URB1: variants seen among roughly 807,000 people sequenced by gnomAD.
URB1 encodes the protein URB1 ribosome biogenesis factor, also known as nucleolar pre-ribosomal-associated protein 1.
In URB1, 197 loss-of-function variants were observed where a neutral mutation model predicts 242.3. The ratio of observed to expected loss-of-function variants is 0.81; its 90% CI spans 0.72 to 0.91. The LOEUF (loss-of-function observed/expected upper bound fraction) is 0.91, where lower values mean the gene tolerates loss of function less well. URB1 is among the 40% of genes least tolerant of loss of function. The pLI is 0.00. For missense variants in URB1, 2,721 were observed against 2,860.5 expected (o/e 0.95, Z 1.11); for synonymous variants, 1,153 against 1,201.8 (o/e 0.96, Z 0.84).
chr21:32,378,514 C>T lies in URB1; in HGVS notation c.595G>A (p.Val199Ile), dbSNP rs529540678. Residue 199 changes from valine to isoleucine, a missense_variant, in exon 5 of 39, where the codon GTT (valine) becomes ATT (isoleucine). Transcript: ENST00000382751. ...ATTAAAAAGGAGAGAGCAAACTGAA[C>T]GTAGGCCTGCCGAACGTCGTACACT... ...KGVYDVRQAY[V>I]QFALSFLIAG... 9 of 1,551,562 alleles carry T rather than the reference C, an allele frequency of 5.8e-6. No individual in the cohort carries two copies. Among genetic ancestry groups the T allele is most frequent in the African/African-American group, 2.7e-5 (2 of 73,024 alleles).
rs974012154 is a variant in URB1, at chr21:32,357,430, AC to A, written c.1989+106del. On this transcript the variant is annotated intron_variant, in intron 15 of 38. Coordinates refer to ENST00000382751, the MANE Select transcript of URB1 (RefSeq NM_014825.3). ...AAAACCTTCTATTTTAAAACTAAAA[AC>A]AATTCCAATACCTCCTGAATTCAAT... 1.3e-4 allele frequency: 153 copies of A among 1,218,030 alleles called. No homozygotes were observed. The African/African-American group carries it at 2.1e-3, about 16-fold the overall frequency. 75.5% of individuals were successfully genotyped at this position (1,218,030 alleles called of 1,614,324 possible). A position where few individuals can be genotyped will look rare whatever the true frequency, so the allele number is the denominator to read the frequency against.
intron 28 of URB1, among the ~76,000 whole-genome samples, chr21:32,336,692 C>T (rs1165132912): frequency 6.6e-6 from 1 of 150,528 alleles, no homozygotes; most frequent in Non-Finnish European, 1.5e-5. Flanking sequence ...CACATACAGA[C>T]AAAAAAAAAG....
intron 1 of URB1, among the ~76,000 whole-genome samples, chr21:32,388,679 T>C (rs1445980014): frequency 3.3e-5 from 5 of 152,232 alleles, no homozygotes; most frequent in Non-Finnish European, 7.3e-5. Context: ...ATACCTACTC[T>C]GTCCCTCAAG....
intron 35 of URB1, among the ~76,000 whole-genome samples, chr21:32,319,626 G>A (rs2032740866): frequency 6.6e-6 from 1 of 152,172 alleles, no homozygotes; most frequent in East Asian, 1.9e-4. Flanking sequence ...AAAAATTCAG[G>A]AGCCGCTGGG....
chr21:32,311,867 C>T lies in URB1; in HGVS notation c.*3051G>A, dbSNP rs17855143. The T allele has an allele frequency of 6.2e-7, 1 of 1,614,154 alleles. No individual in the cohort carries two copies. The highest frequency in any genetic ancestry group is 1.7e-5 in the Admixed American group (1 of 60,032). On this transcript the variant is annotated 3_prime_UTR_variant, in exon 39 of 39. Coordinates refer to ENST00000382751, the MANE Select transcript of URB1 (RefSeq NM_014825.3). ...CGCTACGACAGGAGAGCTCCTCCAC[C>T]TTGCCCCTCGGGGGTTTCCAGACCC...
chr21:32,311,031 A>G lies in URB1; in HGVS notation c.*3887T>C, dbSNP rs2032551439. Reference sequence around the variant, plus strand: ...TCCGAGGCTGGATAATTTATAAAGGAAAGAGGTTTAATGGACTCACAGTTT... The same window carrying G: ...TCCGAGGCTGGATAATTTATAAAGGGAAGAGGTTTAATGGACTCACAGTTT... On this transcript the variant is annotated 3_prime_UTR_variant, in exon 39 of 39. Transcript: ENST00000382751. 6.6e-6 allele frequency: 1 copy of G among 152,308 alleles called. No homozygotes were observed. Among genetic ancestry groups the G allele is most frequent in the African/African-American group, 2.4e-5 (1 of 41,430 alleles). The allele number at this position is 152,308 out of a possible 1,614,324, so 9.4% of individuals were successfully genotyped here.
chr21:32,349,485 T>A lies in URB1; in HGVS notation c.2833-2A>T. On this transcript the variant is annotated splice_acceptor_variant, in intron 20 of 38. Transcript: ENST00000382751. LOFTEE classifies it high-confidence loss of function. ...GGGCGGGCCCACACTTCTGCCCAGC[T>A]GTGAGGACAAGAGCACGAGCCTCAG... 1 of 1,544,100 alleles carries A rather than the reference T, an allele frequency of 6.5e-7. No individual in the cohort carries two copies. The highest frequency in any genetic ancestry group is 1.4e-5 in the African/African-American group (1 of 72,812).
In URB1 at chr21:32,355,477, T is replaced by C. The variant is rs202037306; in HGVS notation, c.2078A>G (p.Lys693Arg). Residue 693 changes from lysine (K) to arginine (R), a missense_variant, in exon 16 of 39, where the codon AAA becomes AGA. Coordinates refer to ENST00000382751, the MANE Select transcript of URB1 (RefSeq NM_014825.3). ...EHLENTMEED[K>R]ETVIQFLERI... ...TTCCAGAAACTGAATCACAGTCTCT[T>C]TGTCCTCTTCCATGGTGTTCTCTAA... 1 of 1,551,898 alleles carries C rather than the reference T, an allele frequency of 6.4e-7. No homozygotes were observed. The highest frequency in any genetic ancestry group is 8.7e-7 in the Non-Finnish European group (1 of 1,147,034).
chr21:32,330,078 G>C (rs1174365135), intron 30 of URB1, among the ~76,000 whole-genome samples: 1 of 152,012 alleles, frequency 6.6e-6, no homozygotes, highest in Non-Finnish European at 1.5e-5. Flanking sequence ...CTCTTCCAAT[G>C]AATGAGTGTG....
At chr21:32,358,406 C>T (rs1245614434) in intron 14 of URB1, among the ~76,000 whole-genome samples, 1 of 152,186 alleles carries the variant, frequency 6.6e-6, no homozygotes, top group Non-Finnish European at 1.5e-5. Flanking sequence ...ACTTTCATCA[C>T]GATGCCAGTG....
intron 5 of URB1, among the ~76,000 whole-genome samples, chr21:32,377,652 C>T (rs1469833208): frequency 7.9e-5 from 12 of 152,138 alleles, no homozygotes; most frequent in Non-Finnish European, 1.5e-5. Flanking sequence ...ACAGGGTGAC[C>T]GCCACCTGCA....
In URB1 at chr21:32,321,867, G is replaced by A. The variant is rs2032770973; in HGVS notation, c.5418C>T (p.Ala1806=). ...GGATGATGTGGAAGATGCCACGCCG[G>A]GCACACAGTTCGTAGCACTGCTTGT... The part of the protein sequence containing the change: ...IRDKQCYELC[A]RRGIFHIILS... The change falls in exon 34 of 39, where the codon GCC becomes GCT. Residue 1806 remains alanine (A), a synonymous_variant. Coordinates refer to ENST00000382751, the MANE Select transcript of URB1 (RefSeq NM_014825.3). 4 of 1,551,716 alleles carry A rather than the reference G, an allele frequency of 2.6e-6. No individual in the cohort carries two copies. The highest frequency in any genetic ancestry group is 3.5e-6 in the Non-Finnish European group (4 of 1,147,004).
intron 20 of URB1, among the ~76,000 whole-genome samples, chr21:32,350,326 T>C (rs1210141458): frequency 6.6e-6 from 1 of 152,082 alleles, no homozygotes; most frequent in Non-Finnish European, 1.5e-5. Context: ...CCCAGCTACT[T>C]GAAAGGCTGA....
At position 32,322,466 on chromosome 21, in the gene URB1, C is replaced by T. The variant is rs1026995860; in HGVS notation, c.5340+12G>A. The stretch of plus-strand genomic sequence containing the variant: ...GGGCCTGCAGAAAGCCGTGAGGACT[C>T]TGGAAGCATACCTCAAAGTCGGAGC... On this transcript the variant is annotated intron_variant, in intron 33 of 38. Coordinates refer to ENST00000382751, the MANE Select transcript of URB1 (RefSeq NM_014825.3). 3 of 1,550,656 alleles carry T rather than the reference C, an allele frequency of 1.9e-6. No homozygotes were observed. The African/African-American group carries it at 4.1e-5, about 21-fold the overall frequency.
intron 10 of URB1, among the ~76,000 whole-genome samples, chr21:32,363,701 G>A (rs536683272): frequency 2.6e-5 from 4 of 152,010 alleles, no homozygotes; most frequent in African/African-American, 7.2e-5. Flanking sequence ...TCACTCTGTC[G>A]CCCAGGCTGG....
chr21:32,359,004 C>T (rs2033255468), intron 14 of URB1, among the ~76,000 whole-genome samples: 2 of 152,264 alleles, frequency 1.3e-5, no homozygotes, highest in African/African-American at 2.4e-5. Flanking sequence ...TCCTCAGCTA[C>T]GATGCAGGGA....
chr21:32,333,766 A>AT, intron 29 of URB1, among the ~76,000 whole-genome samples: 1 of 152,294 alleles, frequency 6.6e-6, no homozygotes, highest in Non-Finnish European at 1.5e-5. Context: ...CAGATTTGGG[A>AT]TTTTCAGATT....
rs564594808 is a variant in URB1 at position 32,311,951 on chromosome 21, C to A, written c.*2967G>T. ...GGGGTCCCCTCGTCAGGAGCAAGCC[C>A]AGCGAGCCTCCCCCTGGAGACAGGA... On this transcript the variant is annotated 3_prime_UTR_variant, in exon 39 of 39. Coordinates refer to ENST00000382751, the MANE Select transcript of URB1 (RefSeq NM_014825.3). 1 of 1,613,572 alleles carries A rather than the reference C, an allele frequency of 6.2e-7. No individual in the cohort carries two copies. Among genetic ancestry groups the A allele is most frequent in the African/African-American group, 1.3e-5 (1 of 75,066 alleles).
chr21:32,341,409 T>G, intron 25 of URB1, 57 bp downstream of exon 25: 1 of 1,510,870 alleles, frequency 6.6e-7, no homozygotes, highest in South Asian at 1.2e-5. Context: ...AGGCTTTGCA[T>G]GCTGAACGAC....
Sources: gnomAD v4.1 joint callset for allele counts (sites outside exome capture counted in the v4.1 genomes callset) on GRCh38, gnomAD v4.1.1 for gene constraint, MANE v1.5 for transcripts, NCBI Gene and HGNC (gene_info 2026-07-23, HGNC 2026-07-21) for gene names.